The following ENAH variants were observed in gnomAD, a reference collection of about 807,000 sequenced individuals.
ENAH encodes ENAH actin regulator.
ENAH carries 23 observed loss-of-function variants against 78.7 expected under a neutral mutation model. The ratio of observed to expected loss-of-function variants is 0.29; its 90% CI spans 0.21 to 0.41. The LOEUF (loss-of-function observed/expected upper bound fraction) is 0.41. Ranked by LOEUF, ENAH falls within the 10% of genes least tolerant of loss-of-function variation. The pLI, the probability that ENAH is intolerant of heterozygous loss-of-function variation, is 1.00. For missense variants in ENAH, 544 were observed against 691.0 expected (o/e 0.79, Z 2.39); for synonymous variants, 226 against 241.0 (o/e 0.94, Z 0.58).
intron 1 of ENAH, among the ~76,000 whole-genome samples, chr1:225,648,387 C>G (rs1662359186): frequency 6.6e-6 from 1 of 152,150 alleles, no homozygotes; most frequent in Non-Finnish European, 1.5e-5. Context: ...AGATAAATCA[C>G]CAAAACCTAT....
intron 1 of ENAH, among the ~76,000 whole-genome samples, chr1:225,590,552 C>CT (rs1293999946): frequency 6.6e-6 from 1 of 152,160 alleles, no homozygotes; most frequent in Non-Finnish European, 1.5e-5. Context: ...TGTGTTTCTA[C>CT]TTAGATATCA....
intron 3 of ENAH, among the ~76,000 whole-genome samples, chr1:225,541,918 A>T (rs1181570048): frequency 6.6e-6 from 1 of 152,064 alleles, no homozygotes; most frequent in Admixed American, 6.5e-5. Context: ...TCTTACTTTG[A>T]TTGCCCAGAC....
chr1:225,567,748 T>C (rs904797040), intron 1 of ENAH, among the ~76,000 whole-genome samples: 7 of 152,200 alleles, frequency 4.6e-5, no homozygotes, highest in African/African-American at 1.7e-4. Flanking sequence ...TCAAAAGTAA[T>C]TGCACTTTTT....
Position 225,495,456 on chromosome 1 carries a change from G to GTTTTTTTTTTTTTT in ENAH, c.*2305_*2318dup, listed in dbSNP as rs33964064. 1.8e-5 allele frequency: 2 copies of GTTTTTTTTTTTTTT among 110,762 alleles called. No homozygotes were observed. Among genetic ancestry groups the GTTTTTTTTTTTTTT allele is most frequent in the Admixed American group, 1.1e-4 (1 of 9,312 alleles). 6.9% of individuals were successfully genotyped at this position (110,762 alleles called of 1,614,324 possible). A position where few individuals can be genotyped will look rare whatever the true frequency, so the allele number is the denominator to read the frequency against. On this transcript the variant is annotated 3_prime_UTR_variant, in exon 14 of 14. Transcript: ENST00000366843. ...GGAAATATAGCATGATTCAACACTG[G>GTTTTTTTTTTTTTT]TTTTTTTTTTTTTTTTTTTTTGTCA... is the stretch of plus-strand genomic sequence containing the variant.
chr1:225,512,597 G>C, intron 9 of ENAH, 60 bp downstream of exon 9: 2 of 1,497,942 alleles, frequency 1.3e-6, no homozygotes, highest in South Asian at 2.5e-5. Context: ...ACTATTTCCT[G>C]AATGAGCTGT....
chr1:225,521,510 G>A (rs1326261223), intron 4 of ENAH, among the ~76,000 whole-genome samples: 1 of 151,526 alleles, frequency 6.6e-6, no homozygotes, highest in African/African-American at 2.4e-5. Context: ...GCGTGGTGGT[G>A]TGCGCCTGTA....
At chr1:225,544,166 G>A (rs958366968) in intron 3 of ENAH, among the ~76,000 whole-genome samples, 2 of 152,130 alleles carry the variant, frequency 1.3e-5, no homozygotes, top group Non-Finnish European at 2.9e-5. Context: ...TGTTTTAAGA[G>A]GAAAATGTTC....
At chr1:225,638,163 A>C (rs990602030) in intron 1 of ENAH, among the ~76,000 whole-genome samples, 1 of 152,166 alleles carries the variant, frequency 6.6e-6, no homozygotes, top group African/African-American at 2.4e-5. Context: ...TAAATAGCAG[A>C]ATGGCTCTGA....
chr1:225,552,589 G>T (rs1285694422), intron 3 of ENAH, among the ~76,000 whole-genome samples: 10 of 151,818 alleles, frequency 6.6e-5, no homozygotes, highest in African/African-American at 1.2e-4. Context: ...ATTCTATATG[G>T]TTTTTTTTCC....
At chr1:225,608,177 C>G (rs1472272405) in intron 1 of ENAH, among the ~76,000 whole-genome samples, 1 of 114,922 alleles carries the variant, frequency 8.7e-6, no homozygotes, top group East Asian at 2.5e-4. Context: ...TTAAAGACAG[C>G]AGAAACTTTA....
At chr1:225,533,893 C>CACAAT (rs1414783590) in intron 3 of ENAH, among the ~76,000 whole-genome samples, 1 of 151,978 alleles carries the variant, frequency 6.6e-6, no homozygotes, top group Non-Finnish European at 1.5e-5. Flanking sequence ...TTATTATATA[C>CACAAT]ACAATACAAT....
At chr1:225,503,226 A>G (rs2096294867) in intron 11 of ENAH, among the ~76,000 whole-genome samples, 1 of 152,236 alleles carries the variant, frequency 6.6e-6, no homozygotes, top group Admixed American at 6.5e-5. Flanking sequence ...AAGTTTATCA[A>G]TAACATTATC....
At chr1:225,645,015 A>T (rs1222274402) in intron 1 of ENAH, among the ~76,000 whole-genome samples, 2 of 152,198 alleles carry the variant, frequency 1.3e-5, no homozygotes, top group Non-Finnish European at 1.5e-5. Context: ...TCTCCTTAGC[A>T]CGAAGATACA....
intron 4 of ENAH, among the ~76,000 whole-genome samples, chr1:225,522,922 A>G (rs2096481285): frequency 6.6e-6 from 1 of 152,162 alleles, no homozygotes; most frequent in South Asian, 2.1e-4. Flanking sequence ...TACTTCTTCT[A>G]TTTTACCAAA....
At chr1:225,557,961 C>T (rs2096675759) in intron 2 of ENAH, among the ~76,000 whole-genome samples, 1 of 152,134 alleles carries the variant, frequency 6.6e-6, no homozygotes, top group African/African-American at 2.4e-5. Context: ...TCAAGTCCTC[C>T]CCAACATCTC....
chr1:225,641,008 C>A (rs112988982), intron 1 of ENAH, among the ~76,000 whole-genome samples: 1 of 150,068 alleles, frequency 6.7e-6, no homozygotes, highest in African/African-American at 2.5e-5. Flanking sequence ...GGACTACAGG[C>A]GCCCGCCACC....
intron 1 of ENAH, among the ~76,000 whole-genome samples, chr1:225,602,673 G>T (rs1054713092): frequency 6.6e-5 from 10 of 151,978 alleles, no homozygotes; most frequent in Non-Finnish European, 1.3e-4. Context: ...GACTTCAAAA[G>T]CCTTTCCCTA....
chr1:225,595,951 A>C (rs551699370), intron 1 of ENAH, among the ~76,000 whole-genome samples: 28 of 152,368 alleles, frequency 1.8e-4, no homozygotes, highest in Non-Finnish European at 3.4e-4. Flanking sequence ...ACTGAACTTA[A>C]GCATTTTTTC....
At chr1:225,511,123 T>C (rs1575342598) in intron 10 of ENAH, among the ~76,000 whole-genome samples, 1 of 152,238 alleles carries the variant, frequency 6.6e-6, no homozygotes, top group Non-Finnish European at 1.5e-5. Context: ...TAATGGTTTC[T>C]TATGGACCAC....
Sources: allele counts gnomAD v4.1 joint callset (sites outside exome capture counted in the v4.1 genomes callset), GRCh38; gene constraint gnomAD v4.1.1; transcripts MANE v1.5; gene names NCBI Gene and HGNC (gene_info 2026-07-23, HGNC 2026-07-21).